Variants in PEBP4 observed in about 807,000 individuals in gnomAD.
The protein encoded by PEBP4 is phosphatidylethanolamine binding protein 4, also known as phosphatidylethanolamine-binding protein 4.
In PEBP4, 22 loss-of-function variants were observed where a neutral mutation model predicts 23.9. The observed-to-expected ratio is 0.92, with a 90% CI of 0.66 to 1.31. The LOEUF is 1.31. Ranked by LOEUF, PEBP4 falls within the 40% of genes most tolerant of loss-of-function variation. The pLI is 0.00. For synonymous variants in PEBP4, 112 were observed against 99.3 expected (o/e 1.13, Z -0.76); for missense variants, 324 against 281.7 (o/e 1.15, Z -1.07).
chr8:22,755,692 T>C (rs544367120), intron 4 of PEBP4: 29 of 152,342 alleles, frequency 1.9e-4, no homozygotes, highest in African/African-American at 7.0e-4. Flanking sequence ...CATCCATTAC[T>C]GATAATGTTA....
At chr8:22,800,770 T>C (rs144082361) in intron 4 of PEBP4, among the ~76,000 whole-genome samples, 2 of 152,290 alleles carry the variant, frequency 1.3e-5, no homozygotes, top group East Asian at 3.9e-4. Flanking sequence ...AGGGAGGGGC[T>C]GCAGAGGGCA....
At chr8:22,924,628 C>G in intron 2 of PEBP4, 6 of 982,526 alleles carry the variant, frequency 6.1e-6, no homozygotes, top group Non-Finnish European at 6.0e-6. Flanking sequence ...AAGAACGGAG[C>G]TTTTCAACAC....
intron 1 of PEBP4, among the ~76,000 whole-genome samples, chr8:22,939,406 A>G (rs560505176): frequency 6.6e-6 from 1 of 152,306 alleles, no homozygotes; most frequent in East Asian, 1.9e-4. Context: ...AGGAAGAACA[A>G]TGAAGATGGA....
In PEBP4 at chr8:22,927,883, C is replaced by A; in HGVS notation, c.-67G>T. On this transcript the variant is annotated 5_prime_UTR_variant, in exon 1 of 7. Coordinates refer to ENST00000256404, the MANE Select transcript of PEBP4 (RefSeq NM_144962.3). ...CCAGGGCTCCGCAGCTAATCCAGTC[C>A]ACCACCCGGACACAAGTACTTTGGG... 1.4e-6 allele frequency: 1 copy of A among 724,660 alleles called. No homozygotes were observed. The highest frequency in any genetic ancestry group is 2.2e-6 in the Non-Finnish European group (1 of 459,048). The allele number at this position is 724,660 out of a possible 1,614,324, so 44.9% of individuals were successfully genotyped here. A position where few individuals can be genotyped will look rare whatever the true frequency, so the allele number is the denominator to read the frequency against.
At chr8:22,758,973 G>A (rs1237433421) in intron 4 of PEBP4, among the ~76,000 whole-genome samples, 2 of 151,444 alleles carry the variant, frequency 1.3e-5, no homozygotes, top group African/African-American at 4.8e-5. Context: ...AGAAGTGGAA[G>A]CCAGGGGAGG....
chr8:22,926,688 G>A (rs1334178394), intron 2 of PEBP4, among the ~76,000 whole-genome samples: 1 of 152,180 alleles, frequency 6.6e-6, no homozygotes, highest in East Asian at 1.9e-4. Flanking sequence ...ATAATTTTAA[G>A]AGAAGACATG....
intron 3 of PEBP4, among the ~76,000 whole-genome samples, chr8:22,820,481 G>A (rs556845989): frequency 6.6e-5 from 10 of 152,292 alleles, no homozygotes; most frequent in East Asian, 1.9e-4. Context: ...CCCCTTGACC[G>A]GGAGAGGCAG....
At chr8:22,717,895 G>C (rs528468273) in intron 6 of PEBP4, among the ~76,000 whole-genome samples, 2 of 152,042 alleles carry the variant, frequency 1.3e-5, no homozygotes, top group African/African-American at 4.8e-5. Context: ...TCACGGGACC[G>C]GCCACATTGA....
intron 3 of PEBP4, among the ~76,000 whole-genome samples, chr8:22,825,461 G>A (rs1406035644): frequency 1.3e-5 from 2 of 152,208 alleles, no homozygotes; most frequent in Non-Finnish European, 2.9e-5. Flanking sequence ...TTCTTGCCTA[G>A]GATAGAGACT....
intron 3 of PEBP4, among the ~76,000 whole-genome samples, chr8:22,919,114 T>TC (rs1203469565): frequency 6.6e-6 from 1 of 152,190 alleles, no homozygotes; most frequent in African/African-American, 2.4e-5. Flanking sequence ...AAGAGTCTAT[T>TC]CCCCGCATTG....
chr8:22,882,939 G>A (rs552907944), intron 3 of PEBP4, among the ~76,000 whole-genome samples: 6 of 152,222 alleles, frequency 3.9e-5, no homozygotes, highest in South Asian at 2.1e-4. Flanking sequence ...TTCCTCCCAC[G>A]ATGAAGACTC....
intron 4 of PEBP4, 91 bp downstream of exon 4, chr8:22,817,546 C>T (rs1806769054): frequency 6.4e-6 from 8 of 1,252,820 alleles, no homozygotes; most frequent in Non-Finnish European, 8.1e-6. Context: ...CTCGCTCCAA[C>T]CTTCCTGGAT....
chr8:22,785,956 G>A (rs974082235), intron 4 of PEBP4, among the ~76,000 whole-genome samples: 1 of 152,128 alleles, frequency 6.6e-6, no homozygotes, highest in Non-Finnish European at 1.5e-5. Context: ...TCACTTCTTT[G>A]AACCACAGCT....
intron 6 of PEBP4, among the ~76,000 whole-genome samples, chr8:22,716,775 T>A (rs946043632): frequency 6.6e-6 from 1 of 152,158 alleles, no homozygotes; most frequent in East Asian, 1.9e-4. Context: ...CTTGGTAGAA[T>A]GGGGGATCGG....
chr8:22,747,965 G>A (rs1385595756), intron 4 of PEBP4, among the ~76,000 whole-genome samples: 3 of 152,228 alleles, frequency 2.0e-5, no homozygotes, highest in Admixed American at 6.5e-5. Context: ...GGAGAGGTTC[G>A]TCCCAGCCTG....
intron 4 of PEBP4, among the ~76,000 whole-genome samples, chr8:22,815,844 G>A (rs939486454): frequency 1.3e-5 from 2 of 152,186 alleles, no homozygotes; most frequent in African/African-American, 4.8e-5. Context: ...GGTAAGGGGA[G>A]TGCAGGAGTC....
chr8:22,912,974 C>G (rs947655930), intron 3 of PEBP4, among the ~76,000 whole-genome samples: 7 of 152,344 alleles, frequency 4.6e-5, no homozygotes, highest in African/African-American at 1.7e-4. Flanking sequence ...GCTCAGCGGC[C>G]TCCTGTCCCC....
At chr8:22,718,985 C>T (rs1264630263) in intron 6 of PEBP4, among the ~76,000 whole-genome samples, 1 of 152,130 alleles carries the variant, frequency 6.6e-6, no homozygotes, top group Non-Finnish European at 1.5e-5. Context: ...CATGATTCCC[C>T]TTCTTTCTCA....
upstream of PEBP4, among the ~76,000 whole-genome samples, chr8:22,928,137 C>T (rs990161623): frequency 6.6e-6 from 1 of 152,256 alleles, no homozygotes; most frequent in African/African-American, 2.4e-5. Context: ...GGCTGTAAGG[C>T]AAGCCCTGGG....
Sources: gnomAD v4.1 joint callset for allele counts (sites outside exome capture counted in the v4.1 genomes callset) on GRCh38, gnomAD v4.1.1 for gene constraint, MANE v1.5 for transcripts, NCBI Gene and HGNC (gene_info 2026-07-23, HGNC 2026-07-21) for gene names.